Variants in PFKFB4 observed in about 807,000 individuals in gnomAD.
PFKFB4 encodes the protein 6-phosphofructo-2-kinase/fructose-2,6-bisphosphatase 4.
In PFKFB4, 42 loss-of-function variants were observed where a neutral mutation model predicts 62.8. The ratio of observed to expected loss-of-function variants is 0.67; its 90% CI spans 0.52 to 0.86. PFKFB4 has a LOEUF of 0.86. PFKFB4 is among the 40% of genes least tolerant of loss of function. The probability of loss-of-function intolerance (pLI) is 0.00; values close to 1 mark genes in which losing one functional copy is unlikely to be tolerated. For missense variants in PFKFB4, 475 were observed against 627.2 expected, an observed-to-expected ratio of 0.76 and a Z score of 2.59; for synonymous variants, 204 against 240.7, an observed-to-expected ratio of 0.85 and a Z score of 1.41.
In PFKFB4 at chr3:48,550,028, C is replaced by T. The variant is rs114317461; in HGVS notation, c.215-68G>A. On this transcript the variant is annotated intron_variant, in intron 2 of 13. Transcript: ENST00000232375. ...CCTACCAACCCTGACCTTGACCCAA[C>T]CCCAGGCCAAATAATAGAGAATAGG... 4.9e-4 allele frequency: 705 copies of T among 1,431,270 alleles called. 5 individuals carry two copies. The African/African-American group carries it at 8.9e-3, about 18-fold the overall frequency. 88.7% of individuals were successfully genotyped at this position (1,431,270 alleles called of 1,614,324 possible). A position where few individuals can be genotyped will look rare whatever the true frequency, so the allele number is the denominator to read the frequency against.
upstream of PFKFB4, chr3:48,557,036 A>C: frequency 8.3e-7 from 1 of 1,198,016 alleles, no homozygotes; most frequent in East Asian, 3.4e-5. Context: ...AGGATCGAGA[A>C]TGCGCATGCT....
chr3:48,538,733 C>A, intron 6 of PFKFB4, 114 bp from the exon 7 acceptor site: 4 of 1,367,432 alleles, frequency 2.9e-6, no homozygotes, highest in Admixed American at 2.1e-5. Context: ...GAGACCAGTG[C>A]GGGAACCTGA....
rs2042947740 is a variant in PFKFB4 at position 48,545,920 on chromosome 3, C to G, written c.312-2274G>C. On this transcript the variant is annotated intron_variant, in intron 3 of 13. Coordinates refer to ENST00000232375, the MANE Select transcript of PFKFB4 (RefSeq NM_004567.4). ...AGCCCCACGTTCTGGGCTAAGATCT[C>G]TTTTGTGGGCTGCTCTGGCCATGAC... Among the ~76,000 whole-genome samples, 2 of 152,194 alleles carry G rather than the reference C, an allele frequency of 1.3e-5. 1 individual carries two copies. The highest frequency in any genetic ancestry group is 4.1e-4 in the South Asian group (2 of 4,836).
At chr3:48,537,623 T>C (rs998952690) in intron 7 of PFKFB4, among the ~76,000 whole-genome samples, 9 of 150,836 alleles carry the variant, frequency 6.0e-5, no homozygotes, top group Admixed American at 2.7e-4. Context: ...TCCCTGGGCT[T>C]AGGTGATTCT....
chr3:48,521,982 C>T lies in PFKFB4; in HGVS notation c.1350+4G>A, dbSNP rs567364826. The T allele has an allele frequency of 4.0e-5, 65 of 1,613,546 alleles. No individual in the cohort carries two copies. In the South Asian group the frequency reaches 7.1e-4, roughly 18 times the overall value. ...CGCTACCCCAGCAGTGACCCCATTGCTACCTGAGGCCTGTCCCGGTGCGTG... is the reference window on the plus strand; with the variant it reads ...CGCTACCCCAGCAGTGACCCCATTGTTACCTGAGGCCTGTCCCGGTGCGTG... On this transcript the variant is annotated splice_donor_region_variant and intron_variant, in intron 13 of 13. Coordinates refer to ENST00000232375, the MANE Select transcript of PFKFB4 (RefSeq NM_004567.4). This position sits in a 1 kb window ranked among gnomAD's most constrained non-coding sequence, Gnocchi z 5.3.
At chr3:48,561,097 C>G, upstream of PFKFB4, 1 of 1,284,540 alleles carries the variant, frequency 7.8e-7, no homozygotes, top group South Asian at 1.2e-5. This position sits in a 1 kb window ranked among gnomAD's most constrained non-coding sequence, Gnocchi z 5.2. Context: ...GAGCTGCCTC[C>G]TAACGAGCCT....
rs2107609403 is a variant in PFKFB4 at position 48,556,034 on chromosome 3, T to A, written c.97+647A>T. ...CCATGAATTTCAGCATTCTCCTAGC[T>A]GTTTCACTCTCCAGTTTTACTGTAC... On this transcript the variant is annotated intron_variant, in intron 1 of 13. Transcript: ENST00000232375. The surrounding 1 kb of genome is among the most constrained non-coding windows in gnomAD (Gnocchi z 5.7). The A allele has an allele frequency of 4.4e-6, 2 of 449,720 alleles. No individual in the cohort carries two copies. The allele number at this position is 449,720 out of a possible 1,614,324, so 27.9% of individuals were successfully genotyped here.
At chr3:48,553,865 A>G (rs1157281022) in intron 1 of PFKFB4, among the ~76,000 whole-genome samples, 1 of 152,184 alleles carries the variant, frequency 6.6e-6, no homozygotes, top group Non-Finnish European at 1.5e-5. Flanking sequence ...GTCCTTACCC[A>G]GGAAGAGTCT....
At chr3:48,543,559 T>C in intron 4 of PFKFB4, 21 bp downstream of exon 4, 3 of 1,595,440 alleles carry the variant, frequency 1.9e-6, no homozygotes, top group Non-Finnish European at 1.7e-6. Context: ...CTCCCAGCTG[T>C]CACCAGGGTG....
intron 3 of PFKFB4, chr3:48,548,455 C>T (rs946287156): frequency 6.6e-6 from 1 of 151,930 alleles, no homozygotes; most frequent in Admixed American, 6.6e-5. Flanking sequence ...GAGTGAGACT[C>T]CATCACACAC....
chr3:48,540,025 G>A (rs142621542), intron 4 of PFKFB4, among the ~76,000 whole-genome samples: 2 of 152,206 alleles, frequency 1.3e-5, no homozygotes, highest in Non-Finnish European at 2.9e-5. Context: ...TCCCAGCAGG[G>A]GAGCAGACCC....
At chr3:48,548,768 T>G (rs2043039926) in intron 3 of PFKFB4, 1 of 152,186 alleles carries the variant, frequency 6.6e-6, no homozygotes, top group Non-Finnish European at 1.5e-5. Context: ...GGTCCAGCCT[T>G]GATTTTTACC....
chr3:48,529,090 T>A (rs2042352939), intron 9 of PFKFB4, among the ~76,000 whole-genome samples: 1 of 151,880 alleles, frequency 6.6e-6, no homozygotes, highest in African/African-American at 2.4e-5. Context: ...AAGGCTGGAG[T>A]GTAATGGCAC....
chr3:48,523,507 C>A (rs755536511), intron 12 of PFKFB4, 30 bp downstream of exon 12: 27 of 1,601,822 alleles, frequency 1.7e-5, no homozygotes, highest in Non-Finnish European at 2.1e-5. Flanking sequence ...TCATGGCTAC[C>A]CATGGTCAAT....
At chr3:48,551,778 C>G (rs1462096898) in intron 1 of PFKFB4, among the ~76,000 whole-genome samples, 1 of 152,084 alleles carries the variant, frequency 6.6e-6, no homozygotes, top group African/African-American at 2.4e-5. Context: ...TTCCTGACCT[C>G]AGGTGATCTG....
At chr3:48,537,214 C>T (rs748060978) in intron 7 of PFKFB4, among the ~76,000 whole-genome samples, 7 of 152,214 alleles carry the variant, frequency 4.6e-5, no homozygotes, top group African/African-American at 7.2e-5. Flanking sequence ...TGAGCTCTCA[C>T]TGTCTGGACC....
At position 48,556,790 on chromosome 3, in the gene PFKFB4, A is replaced by G. The variant is rs1249880349; in HGVS notation, c.-13T>C. 6.3e-7 allele frequency: 1 copy of G among 1,598,352 alleles called. No homozygotes were observed. On this transcript the variant is annotated 5_prime_UTR_variant, in exon 1 of 14. Transcript: ENST00000232375. This position sits in a 1 kb window ranked among gnomAD's most constrained non-coding sequence, Gnocchi z 5.7. ...GTGGGGACGCCATCCCGGGGCCGGGATGAGTCGGACTGCGCCGCTTCCAAC... is the reference window on the plus strand; with the variant it reads ...GTGGGGACGCCATCCCGGGGCCGGGGTGAGTCGGACTGCGCCGCTTCCAAC...
At chr3:48,562,703 G>C (rs982147757), upstream of PFKFB4, 31 of 1,319,196 alleles carry the variant, frequency 2.3e-5, no homozygotes, top group Non-Finnish European at 3.0e-5. The surrounding 1 kb of genome is among the most constrained non-coding windows in gnomAD (Gnocchi z 4.3). Flanking sequence ...GCCCAGATGT[G>C]GCAGCATCCG....
chr3:48,552,679 T>C (rs2043191705), intron 1 of PFKFB4, among the ~76,000 whole-genome samples: 1 of 152,200 alleles, frequency 6.6e-6, no homozygotes, highest in African/African-American at 2.4e-5. Flanking sequence ...ATCCTGCATC[T>C]ACCCTGCTCC....
Sources: allele counts gnomAD v4.1 joint callset (sites outside exome capture counted in the v4.1 genomes callset), GRCh38; gene constraint gnomAD v4.1.1; non-coding constraint Gnocchi (gnomAD v3.1); transcripts MANE v1.5; gene names NCBI Gene and HGNC (gene_info 2026-07-23, HGNC 2026-07-21).